The following MPP7 variants were observed in gnomAD, a reference collection of about 807,000 sequenced individuals.
MPP7 encodes the protein MAGUK p55 subfamily member 7.
A neutral mutation model predicts 76.5 loss-of-function variants in MPP7; 60 were observed. That is an observed-to-expected ratio of 0.78 (90% CI 0.64 to 0.97). MPP7 has a LOEUF of 0.97. Among genes scored for constraint, MPP7 ranks in the 50% least tolerant of loss-of-function variants. The probability of loss-of-function intolerance (pLI) is 0.00; values close to 1 mark genes in which losing one functional copy is unlikely to be tolerated. For missense variants in MPP7, 641 were observed against 694.0 expected, an observed-to-expected ratio of 0.92 and a Z score of 0.86; for synonymous variants, 237 against 244.5, an observed-to-expected ratio of 0.97 and a Z score of 0.29.
At chr10:28,326,247 G>A (rs1564773470) in intron 2 of MPP7, among the ~76,000 whole-genome samples, 1 of 151,986 alleles carries the variant, frequency 6.6e-6, no homozygotes, top group Non-Finnish European at 1.5e-5. Flanking sequence ...TGTACTTCCG[G>A]GAGACACTGT....
At chr10:28,058,725 T>C (rs1851660849) in intron 14 of MPP7, 122 bp from the exon 15 acceptor site, 1 of 480,718 alleles carries the variant, frequency 2.1e-6, no homozygotes, top group Non-Finnish European at 3.7e-6. Flanking sequence ...CTGTGTTTAA[T>C]AATATAAACA....
intron 12 of MPP7, among the ~76,000 whole-genome samples, chr10:28,074,636 A>T (rs1355396278): frequency 6.6e-6 from 1 of 152,106 alleles, no homozygotes; most frequent in East Asian, 1.9e-4. Flanking sequence ...ATATACTCTC[A>T]CATCTTCTCT....
At chr10:28,161,463 T>C (rs1484754360) in intron 3 of MPP7, among the ~76,000 whole-genome samples, 1 of 152,040 alleles carries the variant, frequency 6.6e-6, no homozygotes, top group Non-Finnish European at 1.5e-5. Context: ...GAATTCTTTT[T>C]TCAATAGAAC....
At chr10:28,201,801 A>G (rs1287684176) in intron 3 of MPP7, among the ~76,000 whole-genome samples, 1 of 152,190 alleles carries the variant, frequency 6.6e-6, no homozygotes, top group Non-Finnish European at 1.5e-5. Context: ...ACCTCAGAAA[A>G]TAGATTCCTT....
chr10:28,302,881 C>T lies in MPP7; in HGVS notation c.-152G>A, dbSNP rs1227896229. On this transcript the variant is annotated 5_prime_UTR_variant, in exon 1 of 17. Transcript: ENST00000683449. Reference sequence around the variant, plus strand: ...ATTACCTGCTCTGGGCTGCCGCGGTCCGCGGGCAGGAGGCGCACTCGCTCT... The same window carrying T: ...ATTACCTGCTCTGGGCTGCCGCGGTTCGCGGGCAGGAGGCGCACTCGCTCT... 1.3e-5 allele frequency among the ~76,000 whole-genome samples: 2 copies of T among 152,118 alleles called. No individual in the cohort carries two copies. Among genetic ancestry groups the T allele is most frequent in the African/African-American group, 2.4e-5 (1 of 41,444 alleles).
At chr10:28,308,295 C>CA (rs1841270709) in intron 2 of MPP7, among the ~76,000 whole-genome samples, 1 of 152,164 alleles carries the variant, frequency 6.6e-6, no homozygotes, top group Non-Finnish European at 1.5e-5. Flanking sequence ...ACCACTGCCC[C>CA]ACTGCTGCCT....
intron 11 of MPP7, among the ~76,000 whole-genome samples, chr10:28,105,411 T>A (rs947474090): frequency 3.3e-5 from 5 of 152,162 alleles, no homozygotes; most frequent in Admixed American, 1.3e-4. Context: ...ACTGACAACC[T>A]GTCTCAGAAT....
At chr10:28,291,586 G>A (rs1290101539) in intron 1 of MPP7, among the ~76,000 whole-genome samples, 2 of 151,874 alleles carry the variant, frequency 1.3e-5, no homozygotes, top group Non-Finnish European at 1.5e-5. Context: ...CAGCCTGGGC[G>A]ACAGAGACAG....
At chr10:28,209,927 G>C (rs1838076503) in intron 2 of MPP7, among the ~76,000 whole-genome samples, 1 of 152,212 alleles carries the variant, frequency 6.6e-6, no homozygotes, top group Non-Finnish European at 1.5e-5. Flanking sequence ...AACATGGGCA[G>C]CATCAGCCAA....
At chr10:28,248,181 C>A (rs1180099772) in intron 1 of MPP7, among the ~76,000 whole-genome samples, 1 of 152,038 alleles carries the variant, frequency 6.6e-6, no homozygotes, top group Non-Finnish European at 1.5e-5. Flanking sequence ...GGACTGCTAG[C>A]CAAACTCTCT....
At chr10:28,065,044 G>T (rs1480554568) in intron 13 of MPP7, among the ~76,000 whole-genome samples, 3 of 152,226 alleles carry the variant, frequency 2.0e-5, no homozygotes, top group African/African-American at 7.2e-5. Context: ...TTAATCAGTT[G>T]TGTTGTTGCT....
chr10:28,268,900 C>G (rs56389449), intron 1 of MPP7, among the ~76,000 whole-genome samples: 5,270 of 151,816 alleles, frequency 0.035, 172 homozygotes, highest in African/African-American at 0.078. Context: ...GCCTGGGCAA[C>G]AGACCGAGAC....
In MPP7 at chr10:28,053,146, C is replaced by G. The variant is rs1484399992; in HGVS notation, c.*919G>C. On this transcript the variant is annotated 3_prime_UTR_variant, in exon 17 of 17. Coordinates refer to ENST00000683449, the MANE Select transcript of MPP7 (RefSeq NM_001318170.2). ...CTATTGCACATAGATGAAAAATAAT[C>G]TTTAATTGTATCAGTAATATGTAAA... 6.6e-6 allele frequency: 1 copy of G among 152,052 alleles called. No homozygotes were observed. The highest frequency in any genetic ancestry group is 2.4e-5 in the African/African-American group (1 of 41,406). 9.4% of individuals were successfully genotyped at this position (152,052 alleles called of 1,614,324 possible). A position where few individuals can be genotyped will look rare whatever the true frequency, so the allele number is the denominator to read the frequency against.
In MPP7 at chr10:28,059,715, C is replaced by G. The variant is rs1564610435; in HGVS notation, c.1233G>C (p.Glu411Asp). 1.2e-6 allele frequency: 2 copies of G among 1,613,454 alleles called. No homozygotes were observed. The highest frequency in any genetic ancestry group is 1.7e-4 in the Middle Eastern group (1 of 6,058). ...PHTTRARRSQ[E>D]SDGVEYIFIS... ...TGAAAATGTATTCAACACCATCACT[C>G]TCCTGGCTTCTTCTTGCTCTGGTGG... Residue 411 changes from glutamate (E) to aspartate (D), a missense_variant, in exon 14 of 17, where the codon GAG becomes GAC. Coordinates refer to ENST00000683449, the MANE Select transcript of MPP7 (RefSeq NM_001318170.2).
chr10:28,271,691 T>C (rs1397997941), intron 1 of MPP7, among the ~76,000 whole-genome samples: 2 of 152,146 alleles, frequency 1.3e-5, no homozygotes, highest in East Asian at 3.9e-4. Flanking sequence ...AATTCTTCTG[T>C]GAGGCCTGGG....
At chr10:28,073,042 C>T (rs1189419532) in intron 12 of MPP7, among the ~76,000 whole-genome samples, 3 of 152,182 alleles carry the variant, frequency 2.0e-5, no homozygotes, top group East Asian at 1.9e-4. Flanking sequence ...CTGGTCTCCA[C>T]GCATAAACCA....
At position 28,124,978 on chromosome 10, in the gene MPP7, A is replaced by C. The variant is rs377219114; in HGVS notation, c.529+32T>G. ...AATGCTACACACGAAACACGTGATT[A>C]GTCTGTACTTGGTTAACATTTAAAG... On this transcript the variant is annotated intron_variant, in intron 7 of 16. Coordinates refer to ENST00000683449, the MANE Select transcript of MPP7 (RefSeq NM_001318170.2). The C allele has an allele frequency of 5.5e-4, 859 of 1,567,080 alleles. 1 individual carries two copies. The highest frequency in any genetic ancestry group is 6.3e-4 in the Non-Finnish European group (716 of 1,137,172).
chr10:28,300,235 T>C (rs933135904), intron 1 of MPP7, among the ~76,000 whole-genome samples: 2 of 150,318 alleles, frequency 1.3e-5, no homozygotes, highest in African/African-American at 4.8e-5. Flanking sequence ...CTAGTGGAAG[T>C]CAGGTAGTGT....
At chr10:28,208,607 C>T (rs1003450477) in intron 2 of MPP7, among the ~76,000 whole-genome samples, 2 of 152,146 alleles carry the variant, frequency 1.3e-5, no homozygotes, top group African/African-American at 2.4e-5. Context: ...AATAAGAAAA[C>T]ACAAGAATAA....
Sources: allele counts gnomAD v4.1 joint callset (sites outside exome capture counted in the v4.1 genomes callset), GRCh38; gene constraint gnomAD v4.1.1; transcripts MANE v1.5; gene names NCBI Gene and HGNC (gene_info 2026-07-23, HGNC 2026-07-21).